WDFY1: variants seen among roughly 807,000 people sequenced by gnomAD.
WDFY1 encodes WD repeat and FYVE domain containing 1, also known as WD repeat and FYVE domain-containing protein 1.
In WDFY1, 32 loss-of-function variants were observed where a neutral mutation model predicts 56.4. The observed-to-expected ratio is 0.57, with a 90% CI of 0.43 to 0.76. WDFY1 has a LOEUF of 0.76. WDFY1 is among the 30% of genes least tolerant of loss of function. WDFY1 has a pLI of 0.00. For synonymous variants in WDFY1, 192 were observed against 197.3 expected (o/e 0.97, Z 0.23); for missense variants, 480 against 545.7 (o/e 0.88, Z 1.20).
At chr2:223,918,114 C>G (rs1048757914) in intron 1 of WDFY1, 104 bp from the exon 2 acceptor site, 1 of 1,224,722 alleles carries the variant, frequency 8.2e-7, no homozygotes, top group African/African-American at 1.5e-5. Context: ...TATTTCCTAA[C>G]TGACCTTATA....
intron 9 of WDFY1, among the ~76,000 whole-genome samples, chr2:223,882,464 C>T (rs540774237): frequency 1.3e-5 from 2 of 152,212 alleles, no homozygotes; most frequent in South Asian, 4.1e-4. Context: ...GCAACAGGAG[C>T]GGGGAGGATA....
intron 8 of WDFY1, among the ~76,000 whole-genome samples, chr2:223,885,544 G>T (rs756780151): frequency 6.6e-6 from 1 of 152,106 alleles, no homozygotes; most frequent in Non-Finnish European, 1.5e-5. Context: ...TGGTTACAGG[G>T]TGTTCAATTT....
intron 8 of WDFY1, among the ~76,000 whole-genome samples, chr2:223,891,357 T>G (rs145449410): frequency 0.015 from 1,476 of 100,158 alleles, 36 homozygotes; most frequent in African/African-American, 0.053. Flanking sequence ...CACTCCAGCC[T>G]GAGTGACAGA....
chr2:223,898,532 TA>T (rs1431558164), intron 6 of WDFY1, among the ~76,000 whole-genome samples: 1 of 151,966 alleles, frequency 6.6e-6, no homozygotes, highest in African/African-American at 2.4e-5. Context: ...TCCGAGTAGC[TA>T]GGGGTGGAAT....
At chr2:223,894,759 AACAC>A (rs1386451501) in intron 7 of WDFY1, among the ~76,000 whole-genome samples, 1 of 152,172 alleles carries the variant, frequency 6.6e-6, no homozygotes, top group Non-Finnish European at 1.5e-5. Context: ...TGCACACACA[AACAC>A]ACACAGACAC....
intron 4 of WDFY1, among the ~76,000 whole-genome samples, chr2:223,901,536 G>A (rs1029246274): frequency 1.3e-5 from 2 of 152,066 alleles, no homozygotes; most frequent in African/African-American, 2.4e-5. Context: ...CCAAGGCGGT[G>A]CCCTCTGCTC....
chr2:223,905,923 C>T (rs765785210), intron 4 of WDFY1, 24 bp downstream of exon 4: 1 of 1,502,712 alleles, frequency 6.7e-7, no homozygotes, highest in South Asian at 1.3e-5. Flanking sequence ...TATGTGTACG[C>T]AAGATAATGT....
rs1213234914 is a variant in WDFY1, at chr2:223,877,394, C to T, written c.*1277G>A. On this transcript the variant is annotated 3_prime_UTR_variant, in exon 12 of 12. Transcript: ENST00000233055. ...TTGTCCTTTAAAAAGGTAGGCCCTT[C>T]TCCACTTACTTCCATATCCCTAGAG... The T allele has an allele frequency of 6.6e-6, 1 of 151,980 alleles. No homozygotes were observed. The highest frequency in any genetic ancestry group is 2.4e-5 in the African/African-American group (1 of 41,360). The allele number at this position is 151,980 out of a possible 1,614,324, so 9.4% of individuals were successfully genotyped here.
intron 2 of WDFY1, among the ~76,000 whole-genome samples, chr2:223,915,895 A>C (rs560203285): frequency 1.3e-5 from 2 of 152,188 alleles, no homozygotes; most frequent in Non-Finnish European, 2.9e-5. Flanking sequence ...CTCCATAAGC[A>C]CCTTCACTAA....
At chr2:223,934,327 G>A (rs915948848) in intron 1 of WDFY1, among the ~76,000 whole-genome samples, 5 of 151,960 alleles carry the variant, frequency 3.3e-5, no homozygotes, top group Admixed American at 3.3e-4. Context: ...CTGACCTTAA[G>A]TGATTCACCC....
At chr2:223,920,048 C>G (rs966396123) in intron 1 of WDFY1, among the ~76,000 whole-genome samples, 1 of 152,262 alleles carries the variant, frequency 6.6e-6, no homozygotes, top group Non-Finnish European at 1.5e-5. Context: ...GGGACTCCCA[C>G]CTGAGTCCCC....
At chr2:223,883,803 A>C (rs630020) in intron 9 of WDFY1, among the ~76,000 whole-genome samples, 3 of 152,062 alleles carry the variant, frequency 2.0e-5, no homozygotes. Context: ...CCGCCACCAC[A>C]CCCAGCTAAT....
chr2:223,934,318 T>C (rs1694133336), intron 1 of WDFY1, among the ~76,000 whole-genome samples: 2 of 151,928 alleles, frequency 1.3e-5, no homozygotes, highest in African/African-American at 2.4e-5. Context: ...GTCAAACTCC[T>C]GACCTTAAGT....
intron 4 of WDFY1, among the ~76,000 whole-genome samples, chr2:223,903,451 A>G (rs1213503140): frequency 1.3e-5 from 2 of 151,866 alleles, no homozygotes; most frequent in South Asian, 2.1e-4. Context: ...TGAACCCAGG[A>G]GGCAGAGGTT....
chr2:223,932,845 G>A (rs1197428431), intron 1 of WDFY1, among the ~76,000 whole-genome samples: 1 of 144,558 alleles, frequency 6.9e-6, no homozygotes, highest in Non-Finnish European at 1.5e-5. Flanking sequence ...TTCCTAGTCT[G>A]ACAGTACCTC....
At chr2:223,898,715 T>TA (rs1434964631) in intron 6 of WDFY1, among the ~76,000 whole-genome samples, 2 of 152,050 alleles carry the variant, frequency 1.3e-5, no homozygotes, top group African/African-American at 4.8e-5. Context: ...TAACTTAATT[T>TA]AAAAAGGTAA....
rs184892363 is a variant in WDFY1 at position 223,911,771 on chromosome 2, A to C, written c.279+482T>G. 1.0e-3 allele frequency among the ~76,000 whole-genome samples: 159 copies of C among 152,256 alleles called. 1 individual carries two copies. The highest frequency in any genetic ancestry group is 1.5e-3 in the Non-Finnish European group (102 of 68,016). On this transcript the variant is annotated intron_variant, in intron 3 of 11. Coordinates refer to ENST00000233055, the MANE Select transcript of WDFY1 (RefSeq NM_020830.5). ...GCTCCAAGGAACTAGTTTAAAATTA[A>C]GCAATAATTTAATCCATTTTTGACC...
chr2:223,881,778 ACT>A (rs934010039), intron 10 of WDFY1, among the ~76,000 whole-genome samples, 162 bp downstream of exon 10: 7 of 152,126 alleles, frequency 4.6e-5, no homozygotes, highest in Admixed American at 2.6e-4. Context: ...ACAGAGCAAG[ACT>A]CTGTCTCAAA....
At chr2:223,940,645 C>CT (rs34758959) in intron 1 of WDFY1, among the ~76,000 whole-genome samples, 49,840 of 144,746 alleles carry the variant, frequency 0.34, 9,042 homozygotes, top group Non-Finnish European at 0.42. Context: ...TTATTTCTTT[C>CT]TTTTTTTTTT....
Sources: allele counts gnomAD v4.1 joint callset (sites outside exome capture counted in the v4.1 genomes callset), GRCh38; gene constraint gnomAD v4.1.1; transcripts MANE v1.5; gene names NCBI Gene and HGNC (gene_info 2026-07-23, HGNC 2026-07-21).